The following RGS6 variants were observed in gnomAD, a reference collection of about 807,000 sequenced individuals.
The protein encoded by RGS6 is regulator of G protein signaling 6.
RGS6 carries 30 observed loss-of-function variants against 78.5 expected under a neutral mutation model. That is an observed-to-expected ratio of 0.38 (90% CI 0.29 to 0.52). The LOEUF (loss-of-function observed/expected upper bound fraction) is 0.52, where lower values mean the gene tolerates loss of function less well. Ranked by LOEUF, RGS6 falls within the 20% of genes least tolerant of loss-of-function variation. The probability of loss-of-function intolerance (pLI) is 0.85; values close to 1 mark genes in which losing one functional copy is unlikely to be tolerated. For missense variants in RGS6, 495 were observed against 609.7 expected, an observed-to-expected ratio of 0.81 and a Z score of 1.98; for synonymous variants, 206 against 206.0, an observed-to-expected ratio of 1.00 and a Z score of 0.00.
chr14:72,329,288 T>G (rs1025996470), intron 2 of RGS6, among the ~76,000 whole-genome samples: 7 of 152,274 alleles, frequency 4.6e-5, no homozygotes, highest in Non-Finnish European at 1.0e-4. Context: ...TTCACGGCGC[T>G]TCTTATTAAT....
intron 1 of RGS6, among the ~76,000 whole-genome samples, chr14:71,945,857 C>T (rs1184413577): frequency 6.6e-6 from 1 of 152,180 alleles, no homozygotes; most frequent in African/African-American, 2.4e-5. Context: ...TGTATATCTA[C>T]ACTGCCCAAT....
At chr14:71,909,299 G>T in the RGS6 span, among the ~76,000 whole-genome samples, 1 of 152,096 alleles carries the variant, frequency 6.6e-6, no homozygotes, top group East Asian at 1.9e-4. Flanking sequence ...ATTCTTTTCT[G>T]CATGAGATCC....
chr14:72,303,183 C>A (rs902347722), intron 2 of RGS6, among the ~76,000 whole-genome samples: 4 of 152,164 alleles, frequency 2.6e-5, no homozygotes, highest in Non-Finnish European at 5.9e-5. Context: ...TCATCATGCA[C>A]CACATCATTT....
At chr14:71,944,725 GA>G (rs1221389558) in intron 1 of RGS6, among the ~76,000 whole-genome samples, 1 of 152,180 alleles carries the variant, frequency 6.6e-6, no homozygotes, top group African/African-American at 2.4e-5. Context: ...AAAGTTTTCA[GA>G]TGAAAGGTGT....
chr14:72,045,542 A>G (rs1044323274), intron 2 of RGS6, among the ~76,000 whole-genome samples: 1 of 152,132 alleles, frequency 6.6e-6, no homozygotes, highest in Non-Finnish European at 1.5e-5. Context: ...CAGCTCTTTT[A>G]GACGTAATCT....
chr14:72,258,503 C>CT (rs1442804623), intron 2 of RGS6, among the ~76,000 whole-genome samples: 3 of 152,274 alleles, frequency 2.0e-5, no homozygotes, highest in African/African-American at 7.2e-5. Flanking sequence ...GGGTGACACT[C>CT]TCTAGCTTCT....
At chr14:72,166,964 T>C (rs1371959094) in intron 2 of RGS6, among the ~76,000 whole-genome samples, 1 of 152,246 alleles carries the variant, frequency 6.6e-6, no homozygotes, top group Non-Finnish European at 1.5e-5. Flanking sequence ...TTGCCAGGTA[T>C]TGTTTTAAAT....
intron 2 of RGS6, among the ~76,000 whole-genome samples, chr14:72,087,316 A>G (rs2095084317): frequency 6.6e-6 from 1 of 152,016 alleles, no homozygotes; most frequent in Non-Finnish European, 1.5e-5. Context: ...TTTTTAGTAG[A>G]GACAGGGTTT....
chr14:72,022,938 C>A (rs1208203127), intron 2 of RGS6, among the ~76,000 whole-genome samples: 1 of 152,152 alleles, frequency 6.6e-6, no homozygotes, highest in Non-Finnish European at 1.5e-5. Flanking sequence ...TTTTCTTTCC[C>A]TTTACCTGAA....
chr14:72,212,496 G>A (rs1174825220), intron 2 of RGS6, among the ~76,000 whole-genome samples: 2 of 152,154 alleles, frequency 1.3e-5, no homozygotes, highest in Admixed American at 6.5e-5. Flanking sequence ...GATGCTGTGG[G>A]TAGCTGAATA....
chr14:71,954,708 A>G (rs1382890490), intron 1 of RGS6, among the ~76,000 whole-genome samples: 1 of 152,210 alleles, frequency 6.6e-6, no homozygotes, highest in Non-Finnish European at 1.5e-5. Flanking sequence ...TGATGAGCCC[A>G]TGGAAAGCCT....
At chr14:72,249,990 AC>A (rs1361875067) in intron 2 of RGS6, among the ~76,000 whole-genome samples, 1 of 150,830 alleles carries the variant, frequency 6.6e-6, no homozygotes, top group Non-Finnish European at 1.5e-5. Context: ...TGTCGCAAGA[AC>A]AAAAAACCAA....
intron 3 of RGS6, among the ~76,000 whole-genome samples, chr14:72,448,244 C>T (rs1416493002): frequency 1.3e-5 from 2 of 152,196 alleles, no homozygotes; most frequent in Non-Finnish European, 2.9e-5. Flanking sequence ...ATAAATGCTG[C>T]ACCTTATCAT....
chr14:72,478,143 G>A, intron 11 of RGS6, 125 bp from the exon 12 acceptor site: 1 of 672,882 alleles, frequency 1.5e-6, no homozygotes. Flanking sequence ...AGCTGAGGGA[G>A]TTGGAGATGT....
At chr14:71,914,690 G>A in the RGS6 span, among the ~76,000 whole-genome samples, 4 of 151,720 alleles carry the variant, frequency 2.6e-5, no homozygotes, top group East Asian at 7.8e-4. Flanking sequence ...TTCCTCCCCC[G>A]ACCCCCAATG....
At chr14:72,102,753 ATTAAC>A (rs976470965) in intron 2 of RGS6, among the ~76,000 whole-genome samples, 7 of 152,224 alleles carry the variant, frequency 4.6e-5, no homozygotes, top group Admixed American at 4.6e-4. Context: ...GCAAAATACA[ATTAAC>A]TTTAAGAAAC....
the RGS6 span, among the ~76,000 whole-genome samples, chr14:71,908,828 C>A: frequency 1.3e-5 from 2 of 152,146 alleles, no homozygotes; most frequent in Non-Finnish European, 2.9e-5. Flanking sequence ...CTGAATGATT[C>A]CATCTTGAAG....
intron 4 of RGS6, among the ~76,000 whole-genome samples, chr14:72,456,315 A>G (rs2095628520): frequency 6.6e-6 from 1 of 152,104 alleles, no homozygotes; most frequent in Non-Finnish European, 1.5e-5. Flanking sequence ...TTTTGAGGCA[A>G]GGTCTCACTC....
chr14:72,084,259 T>C (rs899716534), intron 2 of RGS6, among the ~76,000 whole-genome samples: 1 of 152,162 alleles, frequency 6.6e-6, no homozygotes, highest in Admixed American at 6.5e-5. Context: ...GGTTTGCGTT[T>C]CTATGAGAAT....
Sources: allele counts gnomAD v4.1 joint callset (sites outside exome capture counted in the v4.1 genomes callset), GRCh38; gene constraint gnomAD v4.1.1; transcripts MANE v1.5; gene names NCBI Gene and HGNC (gene_info 2026-07-23, HGNC 2026-07-21).